Variants in ANO4 observed in about 807,000 individuals in gnomAD.
The protein encoded by ANO4 is anoctamin-4.
A neutral mutation model predicts 141.9 loss-of-function variants in ANO4; 69 were observed. That is an observed-to-expected ratio of 0.49 (90% CI 0.40 to 0.59). The LOEUF is 0.59. Among genes scored for constraint, ANO4 ranks in the 20% least tolerant of loss-of-function variants. The pLI, the probability that ANO4 is intolerant of heterozygous loss-of-function variation, is 0.00. For synonymous variants in ANO4, 350 were observed against 394.3 expected, an observed-to-expected ratio of 0.89 and a Z score of 1.33; for missense variants, 894 against 1,162.2, an observed-to-expected ratio of 0.77 and a Z score of 3.36.
chr12:101,026,003 CA>C (rs1371461364), intron 9 of ANO4, among the ~76,000 whole-genome samples: 1 of 152,062 alleles, frequency 6.6e-6, no homozygotes, highest in Non-Finnish European at 1.5e-5. Flanking sequence ...ATTTTCCTCC[CA>C]AGATAATGAA....
chr12:100,849,392 T>A (rs1011915689), intron 1 of ANO4, among the ~76,000 whole-genome samples: 19 of 152,012 alleles, frequency 1.2e-4, no homozygotes, highest in Non-Finnish European at 4.4e-5. Context: ...GAAGAAAGAG[T>A]CTCCTTCCTG....
chr12:100,987,714 G>A, intron 8 of ANO4, 44 bp downstream of exon 8: 1 of 1,606,470 alleles, frequency 6.2e-7, no homozygotes, highest in Non-Finnish European at 8.5e-7. Flanking sequence ...AGGATGTGCA[G>A]CTGTGGTAGA....
At chr12:101,032,132 G>A (rs901957938) in intron 9 of ANO4, among the ~76,000 whole-genome samples, 2 of 151,934 alleles carry the variant, frequency 1.3e-5, no homozygotes, top group African/African-American at 2.4e-5. Flanking sequence ...CAAGACAATC[G>A]TAACCAAAAA....
chr12:100,912,392 C>CAAAA (rs35934592), intron 2 of ANO4, among the ~76,000 whole-genome samples: 3 of 67,362 alleles, frequency 4.5e-5, no homozygotes, highest in Non-Finnish European at 5.8e-5. Context: ...AGGACTCTGT[C>CAAAA]AAAAAAAAAA....
At chr12:100,917,638 C>T (rs1196976973) in intron 2 of ANO4, among the ~76,000 whole-genome samples, 2 of 152,150 alleles carry the variant, frequency 1.3e-5, no homozygotes, top group African/African-American at 4.8e-5. Flanking sequence ...GGAAAGCTTA[C>T]AAAAGTCCTT....
intron 1 of ANO4, among the ~76,000 whole-genome samples, chr12:100,727,863 A>G (rs1474732459): frequency 6.6e-6 from 1 of 152,052 alleles, no homozygotes; most frequent in Non-Finnish European, 1.5e-5. Context: ...TTGGAAATGT[A>G]GTCTATTTCT....
At chr12:100,850,068 GA>G (rs1271837792) in intron 1 of ANO4, among the ~76,000 whole-genome samples, 1 of 152,202 alleles carries the variant, frequency 6.6e-6, no homozygotes, top group Admixed American at 6.5e-5. Flanking sequence ...AGCAACCATT[GA>G]GGCTGAATTT....
intron 2 of ANO4, among the ~76,000 whole-genome samples, chr12:100,905,167 T>G (rs1312478783): frequency 6.6e-6 from 1 of 152,198 alleles, no homozygotes; most frequent in Non-Finnish European, 1.5e-5. Flanking sequence ...GGTGGTAGTT[T>G]GAGCTCCATG....
chr12:101,014,578 C>G (rs572466983), intron 8 of ANO4, among the ~76,000 whole-genome samples: 1 of 152,152 alleles, frequency 6.6e-6, no homozygotes, highest in African/African-American at 2.4e-5. Flanking sequence ...CCTTCACAAA[C>G]GCAGGAGAAA....
chr12:101,023,801 A>G (rs575645672), intron 9 of ANO4, among the ~76,000 whole-genome samples: 2 of 152,348 alleles, frequency 1.3e-5, no homozygotes, highest in African/African-American at 4.8e-5. Context: ...GAGCAAAACT[A>G]CTAATGGCCT....
chr12:100,722,961 C>T (rs536714616), intron 1 of ANO4, among the ~76,000 whole-genome samples: 4 of 151,970 alleles, frequency 2.6e-5, no homozygotes, highest in Non-Finnish European at 5.9e-5. Flanking sequence ...CTAGATAAAT[C>T]CAAGGAGCTC....
intron 17 of ANO4, among the ~76,000 whole-genome samples, chr12:101,091,384 T>C (rs939836582): frequency 2.0e-5 from 3 of 152,124 alleles, no homozygotes; most frequent in African/African-American, 4.8e-5. Context: ...GCACACACAT[T>C]TACACTCCTG....
chr12:101,020,022 A>G lies in ANO4; in HGVS notation c.735-12A>G, dbSNP rs374330296. ...TTAATTCTCAACTTGTATTTTTAAT[A>G]TATGTATGCAGCTTCATCATACACA... On this transcript the variant is annotated splice_polypyrimidine_tract_variant and intron_variant, in intron 8 of 27. Transcript: ENST00000392977. The G allele has an allele frequency of 2.5e-5, 40 of 1,584,792 alleles. No homozygotes were observed. The highest frequency in any genetic ancestry group is 8.1e-5 in the African/African-American group (6 of 74,142).
chr12:101,123,023 T>C (rs1177817395), intron 26 of ANO4, among the ~76,000 whole-genome samples: 5 of 152,222 alleles, frequency 3.3e-5, no homozygotes, highest in Admixed American at 2.6e-4. Context: ...ATAGTTTGCA[T>C]TTCTATGACT....
At chr12:101,022,277 C>G (rs1047319067) in intron 9 of ANO4, among the ~76,000 whole-genome samples, 3 of 152,184 alleles carry the variant, frequency 2.0e-5, no homozygotes. Flanking sequence ...TTCCTTGAAA[C>G]ACATTCCTTC....
intron 5 of ANO4, among the ~76,000 whole-genome samples, chr12:100,961,279 G>A (rs796659752): frequency 6.6e-6 from 1 of 152,194 alleles, no homozygotes; most frequent in Admixed American, 6.5e-5. Context: ...ATCTAAGAAG[G>A]TGATGGAAGA....
chr12:100,865,690 A>G (rs533070832), intron 1 of ANO4, among the ~76,000 whole-genome samples: 1 of 152,328 alleles, frequency 6.6e-6, no homozygotes, highest in Non-Finnish European at 1.5e-5. Context: ...TTGATGCTGT[A>G]TAAATCCAGG....
chr12:100,873,819 A>G (rs1418938413), intron 1 of ANO4, among the ~76,000 whole-genome samples: 1 of 152,210 alleles, frequency 6.6e-6, no homozygotes, highest in Non-Finnish European at 1.5e-5. Flanking sequence ...AGCCAAGACA[A>G]TGGGGAAAAT....
chr12:100,939,536 A>T, intron 4 of ANO4, 85 bp downstream of exon 4: 1 of 1,434,630 alleles, frequency 7.0e-7, no homozygotes, highest in Non-Finnish European at 9.4e-7. Context: ...GTTTAAAGTC[A>T]TAATCTCATT....
Sources: gnomAD v4.1 joint callset for allele counts (sites outside exome capture counted in the v4.1 genomes callset) on GRCh38, gnomAD v4.1.1 for gene constraint, MANE v1.5 for transcripts, NCBI Gene and HGNC (gene_info 2026-07-23, HGNC 2026-07-21) for gene names.